Variants in COG5 observed in about 807,000 individuals in gnomAD.
COG5 encodes conserved oligomeric Golgi complex subunit 5.
A neutral mutation model predicts 110.4 loss-of-function variants in COG5; 86 were observed. That is an observed-to-expected ratio of 0.78 (90% confidence interval 0.65 to 0.93). The LOEUF is 0.93. Among genes scored for constraint, COG5 ranks in the 40% least tolerant of loss-of-function variants. The pLI, the probability that COG5 is intolerant of heterozygous loss-of-function variation, is 0.00. For synonymous variants in COG5, 360 were observed against 334.6 expected (o/e 1.08, Z -0.83); for missense variants, 1,077 against 987.0 (o/e 1.09, Z -1.22).
chr7:107,335,997 A>C (rs1458181304), intron 10 of COG5, among the ~76,000 whole-genome samples: 1 of 152,192 alleles, frequency 6.6e-6, no homozygotes, highest in Non-Finnish European at 1.5e-5. Flanking sequence ...CTAAAAGGAG[A>C]GATAGATAGC....
At chr7:107,324,650 AAAC>A in intron 10 of COG5, 129 bp from the exon 11 acceptor site, 2 of 574,606 alleles carry the variant, frequency 3.5e-6, no homozygotes, top group South Asian at 2.4e-5. Flanking sequence ...TCTAACCATC[AAAC>A]AATAGAATTA....
chr7:107,345,555 G>T (rs77881453), intron 10 of COG5, among the ~76,000 whole-genome samples: 2,836 of 152,250 alleles, frequency 0.019, 87 homozygotes, highest in African/African-American at 0.063. Context: ...CCAGGGGAAA[G>T]TAAGGGGTAG....
chr7:107,243,267 A>C (rs1801787416), intron 17 of COG5, among the ~76,000 whole-genome samples: 1 of 152,022 alleles, frequency 6.6e-6, no homozygotes, highest in Non-Finnish European at 1.5e-5. Flanking sequence ...TAGTCCCAGC[A>C]CCTTGGGAGG....
At chr7:107,352,482 A>G (rs1812247082) in intron 10 of COG5, among the ~76,000 whole-genome samples, 1 of 151,540 alleles carries the variant, frequency 6.6e-6, no homozygotes, top group African/African-American at 2.4e-5. Flanking sequence ...GAAAAAAAAA[A>G]TGGTCCTTTG....
At chr7:107,308,674 T>C (rs576598369) in intron 11 of COG5, among the ~76,000 whole-genome samples, 5 of 152,258 alleles carry the variant, frequency 3.3e-5, no homozygotes, top group Admixed American at 1.3e-4. Context: ...AAAAACATGT[T>C]TGATCGTGTT....
intron 6 of COG5, among the ~76,000 whole-genome samples, chr7:107,413,779 T>C (rs1371789508): frequency 6.6e-6 from 1 of 152,204 alleles, no homozygotes; most frequent in African/African-American, 2.4e-5. Flanking sequence ...TTTTTGAAGA[T>C]ATAGCATGTA....
intron 7 of COG5, among the ~76,000 whole-genome samples, chr7:107,404,522 C>A (rs1791666189): frequency 6.6e-6 from 1 of 151,690 alleles, no homozygotes; most frequent in South Asian, 2.1e-4. Flanking sequence ...TAACAGGGAG[C>A]GTGAAGCATA....
intron 6 of COG5, among the ~76,000 whole-genome samples, chr7:107,498,373 T>A (rs948664062): frequency 3.3e-5 from 5 of 152,112 alleles, no homozygotes; most frequent in African/African-American, 1.2e-4. Context: ...TCACAAACCA[T>A]GTATCTGATA....
intron 6 of COG5, among the ~76,000 whole-genome samples, chr7:107,437,066 C>A (rs1794412271): frequency 6.6e-6 from 1 of 152,156 alleles, no homozygotes; most frequent in African/African-American, 2.4e-5. Context: ...ACCGGCCATG[C>A]AAACCTAGAC....
chr7:107,515,994 AG>A (rs1799893244), intron 6 of COG5, among the ~76,000 whole-genome samples: 4 of 152,216 alleles, frequency 2.6e-5, no homozygotes, highest in Admixed American at 2.0e-4. Flanking sequence ...ACCACTTTGT[AG>A]TAATGCCTAT....
chr7:107,266,669 G>T (rs1370853425), intron 14 of COG5, among the ~76,000 whole-genome samples: 1 of 151,844 alleles, frequency 6.6e-6, no homozygotes, highest in African/African-American at 2.4e-5. Context: ...TCTCTTTTTT[G>T]ATCTTTTTTT....
At chr7:107,500,709 T>C (rs2299429) in intron 6 of COG5, among the ~76,000 whole-genome samples, 14,105 of 152,182 alleles carry the variant, frequency 0.093, 1,600 homozygotes, top group African/African-American at 0.27. Flanking sequence ...CATCAGTATG[T>C]ATCTTCCTTT....
chr7:107,246,958 T>C (rs1415019236), intron 17 of COG5, among the ~76,000 whole-genome samples: 1 of 152,174 alleles, frequency 6.6e-6, no homozygotes, highest in East Asian at 1.9e-4. Flanking sequence ...AGCAAAGACA[T>C]GCAATCAACC....
intron 14 of COG5, among the ~76,000 whole-genome samples, chr7:107,264,318 G>A (rs1356340002): frequency 6.6e-6 from 1 of 152,054 alleles, no homozygotes; most frequent in African/African-American, 2.4e-5. Context: ...CTCTAGTCAC[G>A]AGATACTAAG....
At chr7:107,363,901 G>T (rs1813357560) in intron 8 of COG5, among the ~76,000 whole-genome samples, 1 of 151,158 alleles carries the variant, frequency 6.6e-6, no homozygotes. Flanking sequence ...GTTACAATGA[G>T]CCGAGATCGT....
At chr7:107,539,380 T>C (rs73187402) in intron 5 of COG5, among the ~76,000 whole-genome samples, 1,636 of 152,338 alleles carry the variant, frequency 0.011, 15 homozygotes, top group Non-Finnish European at 0.018. Flanking sequence ...AATAAGAACT[T>C]ACTGTACTGA....
intron 3 of COG5, among the ~76,000 whole-genome samples, chr7:107,552,714 T>C (rs559715382): frequency 1.1e-4 from 16 of 152,310 alleles, no homozygotes; most frequent in South Asian, 4.1e-4. Flanking sequence ...AGTTTGGCGA[T>C]TTCTCAAATA....
chr7:107,520,611 A>C (rs962758602), intron 6 of COG5, among the ~76,000 whole-genome samples: 1 of 152,194 alleles, frequency 6.6e-6, no homozygotes, highest in Non-Finnish European at 1.5e-5. Flanking sequence ...CTCTTCAAGG[A>C]GAACTACAAA....
chr7:107,332,209 G>C (rs915795429), intron 10 of COG5, among the ~76,000 whole-genome samples: 4 of 152,166 alleles, frequency 2.6e-5, no homozygotes, highest in Non-Finnish European at 5.9e-5. Context: ...TCAGCATTTA[G>C]AGGTGGTAGA....
Sources: allele counts gnomAD v4.1 joint callset (sites outside exome capture counted in the v4.1 genomes callset), GRCh38; gene constraint gnomAD v4.1.1; transcripts MANE v1.5; gene names NCBI Gene and HGNC (gene_info 2026-07-23, HGNC 2026-07-21).